RYR3: variants seen among roughly 807,000 people sequenced by gnomAD.
RYR3 encodes ryanodine receptor 3, also known as brain ryanodine receptor-calcium release channel.
A neutral mutation model predicts 584.3 loss-of-function variants in RYR3; 207 were observed. The ratio of observed to expected loss-of-function variants is 0.35; its 90% CI spans 0.32 to 0.40. The LOEUF (loss-of-function observed/expected upper bound fraction) is 0.40. Ranked by LOEUF, RYR3 falls within the 10% of genes least tolerant of loss-of-function variation. The pLI, the probability that RYR3 is intolerant of heterozygous loss-of-function variation, is 1.00. For missense variants in RYR3, 5,616 were observed against 6,089.2 expected, an observed-to-expected ratio of 0.92 and a Z score of 2.59; for synonymous variants, 2,416 against 2,248.5, an observed-to-expected ratio of 1.07 and a Z score of -2.11.
intron 1 of RYR3, among the ~76,000 whole-genome samples, chr15:33,314,609 AATGTT>A (rs1967826314): frequency 6.6e-6 from 1 of 152,206 alleles, no homozygotes; most frequent in African/African-American, 2.4e-5. Flanking sequence ...TTTCCACCAC[AATGTT>A]AATTGAAACA....
rs1364550545 is a variant in RYR3 at position 33,584,498 on chromosome 15, T to C, written c.1669+8T>C. 2 of 1,340,588 alleles carry C rather than the reference T, an allele frequency of 1.5e-6. No homozygotes were observed. Among genetic ancestry groups the C allele is most frequent in the East Asian group, 2.3e-5 (1 of 43,050 alleles). 83.0% of individuals were successfully genotyped at this position (1,340,588 alleles called of 1,614,324 possible). A position where few individuals can be genotyped will look rare whatever the true frequency, so the allele number is the denominator to read the frequency against. ...GACTAGAATCTTCCTCAGGTGAGAA[T>C]TGACAGGAAACTATAACTAGAAAAG... On this transcript the variant is annotated splice_region_variant and intron_variant, in intron 15 of 103. Transcript: ENST00000634891.
chr15:33,686,653 T>G (rs1185159242), intron 38 of RYR3, among the ~76,000 whole-genome samples: 1 of 152,182 alleles, frequency 6.6e-6, no homozygotes, highest in South Asian at 2.1e-4. Flanking sequence ...ATACCCCTGA[T>G]GAACACTGAT....
Position 33,857,882 on chromosome 15 carries a change from G to A in RYR3, c.14110G>A (p.Glu4704Lys), listed in dbSNP as rs182257230. The A allele has an allele frequency of 9.0e-3, 14,549 of 1,614,098 alleles. 79 individuals carry two copies. The highest frequency in any genetic ancestry group is 0.01 in the Non-Finnish European group (12,164 of 1,180,030). Reference sequence around the variant, plus strand: ...CTACAACAAAAGCGAAGACGATGACGAGCCCGATATGAAGTGCGACGACAT... The same window carrying A: ...CTACAACAAAAGCGAAGACGATGACAAGCCCGATATGAAGTGCGACGACAT... ...KFYNKSEDDD[E>K]PDMKCDDMMT... The change falls in exon 99 of 104, where the codon GAG becomes AAG. Residue 4704 changes from glutamate (E) to lysine (K), a missense_variant. Glu to Lys is a moderately conservative substitution (Grantham distance 56). Transcript: ENST00000634891.
chr15:33,589,395 CCTATT>C (rs1410432009), intron 16 of RYR3, among the ~76,000 whole-genome samples: 4 of 152,060 alleles, frequency 2.6e-5, no homozygotes, highest in Non-Finnish European at 5.9e-5. Flanking sequence ...GATATTTTCT[CCTATT>C]CTATAGGTTT....
At chr15:33,376,931 A>G (rs949873135) in intron 1 of RYR3, among the ~76,000 whole-genome samples, 2 of 152,158 alleles carry the variant, frequency 1.3e-5, no homozygotes, top group African/African-American at 2.4e-5. Context: ...AATTGACCAC[A>G]TATGTGTGGG....
At position 33,590,907 on chromosome 15, in the gene RYR3, A is replaced by G. The variant is rs8033379; in HGVS notation, c.1788+4791A>G. On this transcript the variant is annotated intron_variant, in intron 16 of 103. Coordinates refer to ENST00000634891, the MANE Select transcript of RYR3 (RefSeq NM_001036.6). Reference sequence around the variant, plus strand: ...ATTATTATACCTTTACTTCTTTGCTAAAATATTTAAGTTGTTAGCTTTGTC... The same window carrying G: ...ATTATTATACCTTTACTTCTTTGCTGAAATATTTAAGTTGTTAGCTTTGTC... Among the ~76,000 whole-genome samples the G allele has an allele frequency of 7.5e-3, 1,146 of 152,304 alleles. 13 individuals are homozygous for G. Among genetic ancestry groups the G allele is most frequent in the African/African-American group, 0.026 (1,082 of 41,540 alleles).
At chr15:33,810,865 C>T (rs529458786) in intron 71 of RYR3, 113 bp from the exon 72 acceptor site, 8 of 1,128,336 alleles carry the variant, frequency 7.1e-6, no homozygotes, top group Admixed American at 4.3e-5. Flanking sequence ...TTCTTTTGTT[C>T]TTCTGATAAA....
intron 4 of RYR3, among the ~76,000 whole-genome samples, chr15:33,532,207 G>A (rs2054940632): frequency 6.6e-6 from 1 of 152,172 alleles, no homozygotes; most frequent in Non-Finnish European, 1.5e-5. Context: ...ATCCTAAGAT[G>A]AGCAGCTATG....
intron 27 of RYR3, among the ~76,000 whole-genome samples, chr15:33,639,584 C>T (rs553272110): frequency 4.2e-4 from 64 of 152,236 alleles, no homozygotes; most frequent in African/African-American, 1.2e-3. Flanking sequence ...GCAAAATGCC[C>T]GACGTGCTTG....
intron 65 of RYR3, among the ~76,000 whole-genome samples, chr15:33,784,063 G>A (rs928320976): frequency 2.6e-5 from 4 of 152,178 alleles, no homozygotes; most frequent in Non-Finnish European, 4.4e-5. Flanking sequence ...CATCACTACG[G>A]AAAGGCTAAT....
chr15:33,536,660 TACA>T (rs2055357018), intron 5 of RYR3, among the ~76,000 whole-genome samples: 1 of 152,172 alleles, frequency 6.6e-6, no homozygotes, highest in Non-Finnish European at 1.5e-5. Flanking sequence ...TAAAGATGCA[TACA>T]ACATTTTCCC....
chr15:33,549,461 A>G (rs1482839040), intron 9 of RYR3, among the ~76,000 whole-genome samples: 2 of 152,258 alleles, frequency 1.3e-5, no homozygotes, highest in East Asian at 1.9e-4. Context: ...GCATATGAGC[A>G]AATATTTTAA....
intron 86 of RYR3, among the ~76,000 whole-genome samples, chr15:33,832,673 C>T (rs181524179): frequency 1.8e-3 from 245 of 138,798 alleles, no homozygotes; most frequent in Admixed American, 8.6e-3. Flanking sequence ...AAAAAAAAAA[C>T]CCTACATACG....
At position 33,838,892 on chromosome 15, in the gene RYR3, A is replaced by C. The variant is rs2078198726; in HGVS notation, c.12912A>C (p.Ser4304=). Residue 4304 remains serine (S), a synonymous_variant, in exon 89 of 104, where the codon TCA becomes TCC. Transcript: ENST00000634891. ...HGPEVGLGDL[S]EIIGKDEPPT... is the part of the protein sequence containing the mutation. Reference sequence around the variant, plus strand: ...CTGAAGTGGGTTTGGGTGACCTCTCAGAAATTATTGGCAAGGATGAACCCC... The same window carrying C: ...CTGAAGTGGGTTTGGGTGACCTCTCCGAAATTATTGGCAAGGATGAACCCC... The C allele has an allele frequency of 6.2e-7, 1 of 1,613,884 alleles. No homozygotes were observed.
At chr15:33,543,057 T>C (rs965191299) in intron 7 of RYR3, among the ~76,000 whole-genome samples, 1 of 152,192 alleles carries the variant, frequency 6.6e-6, no homozygotes, top group Non-Finnish European at 1.5e-5. Context: ...CACTCAGGGA[T>C]GCTGGAGAGT....
chr15:33,366,341 CA>C (rs1046215582), intron 1 of RYR3, among the ~76,000 whole-genome samples: 1 of 151,932 alleles, frequency 6.6e-6, no homozygotes, highest in Admixed American at 6.6e-5. Flanking sequence ...AGGTAAAGTT[CA>C]AAAAGACATG....
chr15:33,586,524 C>T (rs1414914556), intron 16 of RYR3, among the ~76,000 whole-genome samples: 2 of 152,138 alleles, frequency 1.3e-5, no homozygotes, highest in Non-Finnish European at 2.9e-5. Context: ...TGTAGAAAGT[C>T]TTAGCAACAT....
At position 33,820,783 on chromosome 15, in the gene RYR3, G is replaced by A; in HGVS notation, c.10786G>A (p.Glu3596Lys). ...KSCQSGEDEE[E>K]DEDKEKTFEE... ...TTGTCAAAGTGGTGAGGATGAAGAA[G>A]AAGATGAAGACAAGGAAAAAACATT... The change falls in exon 78 of 104, where the codon GAA becomes AAA. Residue 3596 changes from glutamate to lysine, a missense_variant. Transcript: ENST00000634891. 2 of 1,604,996 alleles carry A rather than the reference G, an allele frequency of 1.2e-6. No homozygotes were observed. The highest frequency in any genetic ancestry group is 1.7e-6 in the Non-Finnish European group (2 of 1,175,724).
intron 2 of RYR3, among the ~76,000 whole-genome samples, chr15:33,489,109 G>T (rs2050745986): frequency 6.6e-6 from 1 of 152,106 alleles, no homozygotes; most frequent in East Asian, 1.9e-4. Context: ...CCTGAATTTT[G>T]CTACCTGTCA....
Sources: allele counts gnomAD v4.1 joint callset (sites outside exome capture counted in the v4.1 genomes callset), GRCh38; gene constraint gnomAD v4.1.1; transcripts MANE v1.5; gene names NCBI Gene and HGNC (gene_info 2026-07-23, HGNC 2026-07-21).